CYC1: variants seen among roughly 807,000 people sequenced by gnomAD.
CYC1 encodes the protein cytochrome c1, heme protein, mitochondrial.
CYC1 carries 10 observed loss-of-function variants against 33.8 expected under a neutral mutation model. The observed-to-expected ratio is 0.30, with a 90% CI of 0.18 to 0.50. The LOEUF (loss-of-function observed/expected upper bound fraction) is 0.50. CYC1 is among the 20% of genes least tolerant of loss of function. CYC1 has a pLI of 0.98. For synonymous variants in CYC1, 224 were observed against 181.9 expected, an observed-to-expected ratio of 1.23 and a Z score of -1.86; for missense variants, 459 against 437.6, an observed-to-expected ratio of 1.05 and a Z score of -0.44.
chr8:144,095,126 CG>C lies in CYC1; in HGVS notation c.31del (p.Val11Ter). ...TGGCGGCAGCTGCGGCTTCGCTTCG[CG>C]GGGTAGTGTTGGGCCCGCGGGGCGC... is the stretch of plus-strand genomic sequence containing the variant. MAAAAASLR[G>X]VVLGPRGAGL... On this transcript the variant is annotated frameshift_variant, in exon 1 of 7. Transcript: ENST00000318911. LOFTEE classifies it high-confidence loss of function. 1 of 1,210,874 alleles carries C rather than the reference CG, an allele frequency of 8.3e-7. No homozygotes were observed. The highest frequency in any genetic ancestry group is 1.0e-6 in the Non-Finnish European group (1 of 973,064). 75.0% of individuals were successfully genotyped at this position (1,210,874 alleles called of 1,614,324 possible).
intron 4 of CYC1, 36 bp downstream of exon 4, chr8:144,096,530 T>G: frequency 1.9e-6 from 3 of 1,613,648 alleles, no homozygotes; most frequent in African/African-American, 1.3e-5. Context: ...GCTGGAGAGA[T>G]GGGGGAAGGG....
chr8:144,095,704 T>G (rs919040629), intron 1 of CYC1, 129 bp from the exon 2 acceptor site: 30 of 928,002 alleles, frequency 3.2e-5, no homozygotes, highest in Non-Finnish European at 4.8e-5. Flanking sequence ...GGGTGGGTAG[T>G]GGGACAGGGT....
chr8:144,095,696 G>A (rs560346594), intron 1 of CYC1, 137 bp from the exon 2 acceptor site: 6 of 841,830 alleles, frequency 7.1e-6, no homozygotes, highest in Admixed American at 2.4e-5. Context: ...GAGGGATGGG[G>A]TGGGTAGTGG....
In CYC1 at chr8:144,097,205, C is replaced by T. The variant is rs759556070; in HGVS notation, c.874-27C>T. On this transcript the variant is annotated intron_variant, in intron 6 of 6. Coordinates refer to ENST00000318911, the MANE Select transcript of CYC1 (RefSeq NM_001916.5). The stretch of plus-strand genomic sequence containing the variant: ...AGCTGGGCAGGGCTCCTCCCCACTC[C>T]CTTCTCTGAGCCTTCCTTGTCTGCA... 41 of 1,612,472 alleles carry T rather than the reference C, an allele frequency of 2.5e-5. No homozygotes were observed. In the East Asian group the frequency reaches 4.2e-4, roughly 17 times the overall value.
rs1474227172 is a variant in CYC1, at chr8:144,096,413, A to C, written c.530A>C (p.Lys177Thr). ...GGGAAGCTGTTCGACTATTTCCCAA[A>C]ACCATACCCCAACAGTGAGGCTGCT... ...RPGKLFDYFP[K>T]PYPNSEAARA... The change falls in exon 4 of 7, where the codon AAA (lysine) becomes ACA (threonine). Residue 177 changes from lysine to threonine, a missense_variant. Lys to Thr is a moderately conservative substitution (Grantham distance 78). Coordinates refer to ENST00000318911, the MANE Select transcript of CYC1 (RefSeq NM_001916.5). 6.2e-7 allele frequency: 1 copy of C among 1,613,942 alleles called. No individual in the cohort carries two copies. The highest frequency in any genetic ancestry group is 8.5e-7 in the Non-Finnish European group (1 of 1,179,962).
In CYC1 at chr8:144,095,820, G is replaced by A. The variant is rs1172139162; in HGVS notation, c.130-13G>A. On this transcript the variant is annotated splice_polypyrimidine_tract_variant and intron_variant, in intron 1 of 6. Transcript: ENST00000318911. ...GGTGGTGTCCTGGCAGGCGCTGAGC[G>A]GAGATCTTGCAGGCAGTGGCCTTGT... 6.2e-7 allele frequency: 1 copy of A among 1,603,102 alleles called. No individual in the cohort carries two copies. The highest frequency in any genetic ancestry group is 8.5e-7 in the Non-Finnish European group (1 of 1,178,856).
chr8:144,096,015 C>T lies in CYC1; in HGVS notation c.312C>T (p.Ser104=). 6 of 1,604,684 alleles carry T rather than the reference C, an allele frequency of 3.7e-6. No individual in the cohort carries two copies. Among genetic ancestry groups the T allele is most frequent in the Non-Finnish European group, 5.1e-6 (6 of 1,178,178 alleles). ...YPWSHRGLLS[S]LDHTSIRRGF... ...GGTCTCACCGTGGCCTCCTCTCTTC[C>T]TTGGACCACACCAGGTGTGCAGCTG... The change falls in exon 2 of 7, where the codon TCC becomes TCT. Residue 104 remains serine (S), a synonymous_variant. Transcript: ENST00000318911.
At position 144,095,893 on chromosome 8, in the gene CYC1, C is replaced by T; in HGVS notation, c.190C>T (p.Leu64=). The change falls in exon 2 of 7, where the codon CTG becomes TTG. Residue 64 remains leucine, a synonymous_variant. Coordinates refer to ENST00000318911, the MANE Select transcript of CYC1 (RefSeq NM_001916.5). ...SRGRKVMLSA[L]GMLAAGGAGL... is the part of the protein sequence containing the mutation. ...AGGCCGGAAAGTGATGCTGTCAGCG[C>T]TGGGCATGCTGGCGGCAGGGGGTGC... is the stretch of plus-strand genomic sequence containing the variant. The T allele has an allele frequency of 3.1e-6, 5 of 1,609,374 alleles. No individual in the cohort carries two copies. The highest frequency in any genetic ancestry group is 4.2e-6 in the Non-Finnish European group (5 of 1,179,820).
chr8:144,096,870 T>C (rs1836170390), intron 5 of CYC1, 126 bp downstream of exon 5: 6 of 1,265,926 alleles, frequency 4.7e-6, no homozygotes, highest in Admixed American at 3.9e-5. Context: ...CTTCTGTGCA[T>C]GTCTCAGGAG....
In CYC1 at chr8:144,097,039, C is replaced by A; in HGVS notation, c.778C>A (p.Pro260Thr). 1 of 1,605,410 alleles carries A rather than the reference C, an allele frequency of 6.2e-7. No individual in the cohort carries two copies. Among genetic ancestry groups the A allele is most frequent in the Non-Finnish European group, 8.5e-7 (1 of 1,175,256 alleles). The change falls in exon 6 of 7, where the codon CCA (proline) becomes ACA (threonine). Residue 260 changes from proline to threonine, a missense_variant. Transcript: ENST00000318911. ...CACTGCTTGTCGTTGGCCAGGCACC[C>A]CAGCTACCATGTCCCAGATAGCCAA... ...TDVLEFDDGT[P>T]ATMSQIAKDV...
chr8:144,095,402 C>T, intron 1 of CYC1, 174 bp downstream of exon 1: 2 of 505,428 alleles, frequency 4.0e-6, no homozygotes, highest in Non-Finnish European at 6.0e-6. Context: ...TGGGCGCCCA[C>T]CTCTCCGAAC....
intron 1 of CYC1, chr8:144,095,625 G>C: frequency 3.3e-6 from 2 of 603,176 alleles, no homozygotes; most frequent in Non-Finnish European, 5.7e-6. Flanking sequence ...CTGATCCCCG[G>C]CTCAGGATCC....
rs146030978 is a variant in CYC1, at chr8:144,095,892, G to T, written c.189G>T (p.Ala63=). The change falls in exon 2 of 7, where the codon GCG becomes GCT. Residue 63 remains alanine (A), a synonymous_variant. Transcript: ENST00000318911. ...GAGGCCGGAAAGTGATGCTGTCAGC[G>T]CTGGGCATGCTGGCGGCAGGGGGTG... ...LSRGRKVMLS[A]LGMLAAGGAG... The T allele has an allele frequency of 1.2e-6, 2 of 1,609,222 alleles. No homozygotes were observed. Among genetic ancestry groups the T allele is most frequent in the South Asian group, 1.1e-5 (1 of 91,058 alleles).
In CYC1 at chr8:144,095,167, C is replaced by T. The variant is rs1353547564; in HGVS notation, c.68C>T (p.Ala23Val). 3 of 1,209,428 alleles carry T rather than the reference C, an allele frequency of 2.5e-6. No individual in the cohort carries two copies. Among genetic ancestry groups the T allele is most frequent in the Non-Finnish European group, 3.1e-6 (3 of 972,932 alleles). 74.9% of individuals were successfully genotyped at this position (1,209,428 alleles called of 1,614,324 possible). The change falls in exon 1 of 7, where the codon GCG becomes GTG. Residue 23 changes from alanine to valine, a missense_variant. Physicochemically the swap from Ala to Val is moderately conservative, Grantham distance 64. Coordinates refer to ENST00000318911, the MANE Select transcript of CYC1 (RefSeq NM_001916.5). ...LGPRGAGLPGARARGLLCSAR... is the reference protein window; with the variant it reads ...LGPRGAGLPGVRARGLLCSAR... Reference sequence around the variant, plus strand: ...CCGCGGGGCGCGGGGCTCCCGGGCGCGCGTGCCCGGGGTCTGCTGTGCAGC... The same window carrying T: ...CCGCGGGGCGCGGGGCTCCCGGGCGTGCGTGCCCGGGGTCTGCTGTGCAGC...
rs373993387 is a variant in CYC1, at chr8:144,096,610, C to T, written c.638C>T (p.Ser213Phe). ...ARHGGEDYVF[S>F]LLTGYCEPPT... ...CATGGTGGTGAGGACTACGTCTTCT[C>T]CCTGCTCACGGGCTACTGCGAGCCA... The change falls in exon 5 of 7, where the codon TCC becomes TTC. Residue 213 changes from serine (S) to phenylalanine (F), a missense_variant. Transcript: ENST00000318911. 2 of 1,613,914 alleles carry T rather than the reference C, an allele frequency of 1.2e-6. No homozygotes were observed. Among genetic ancestry groups the T allele is most frequent in the African/African-American group, 2.7e-5 (2 of 74,898 alleles).
chr8:144,095,314 G>A (rs13257418), intron 1 of CYC1, 86 bp downstream of exon 1: 6 of 1,122,548 alleles, frequency 5.3e-6, no homozygotes, highest in South Asian at 4.4e-5. Context: ...GCGGGCCTGG[G>A]CAGCGCGGAA....
In CYC1 at chr8:144,097,152, C is replaced by T. The variant is rs756988987; in HGVS notation, c.873+18C>T. 3.1e-6 allele frequency: 5 copies of T among 1,611,154 alleles called. No homozygotes were observed. The Admixed American group carries it at 5.0e-5, about 16-fold the overall frequency. Reference sequence around the variant, plus strand: ...GGCTCAAGGTAAAAGGGTTGGGAGGCCATGGTGGGTATCAGAGAAGGGCTG... The same window carrying T: ...GGCTCAAGGTAAAAGGGTTGGGAGGTCATGGTGGGTATCAGAGAAGGGCTG... On this transcript the variant is annotated intron_variant, in intron 6 of 6. Transcript: ENST00000318911.
Position 144,096,388 on chromosome 8 carries a change from G to A in CYC1, c.505G>A (p.Gly169Arg). 7 of 1,614,124 alleles carry A rather than the reference G, an allele frequency of 4.3e-6. No homozygotes were observed. The highest frequency in any genetic ancestry group is 5.9e-6 in the Non-Finnish European group (7 of 1,179,998). The change falls in exon 4 of 7, where the codon GGG (glycine) becomes AGG (arginine). Residue 169 changes from glycine to arginine, a missense_variant. By Grantham distance (125) the Gly-to-Arg change is moderately radical (BLOSUM62 -2). Transcript: ENST00000318911. ...NEDGEMFMRP[G>R]KLFDYFPKPY... ...AGATGGGGAGATGTTCATGCGGCCAGGGAAGCTGTTCGACTATTTCCCAAA... is the reference window on the plus strand; with the variant it reads ...AGATGGGGAGATGTTCATGCGGCCAAGGAAGCTGTTCGACTATTTCCCAAA...
intron 5 of CYC1, 127 bp from the exon 6 acceptor site, chr8:144,096,907 A>C: frequency 2.6e-6 from 3 of 1,159,822 alleles, no homozygotes; most frequent in Non-Finnish European, 3.8e-6. Flanking sequence ...AGTTTTGCGT[A>C]TGTCCGGTGG....
Sources: allele counts gnomAD v4.1 joint callset, GRCh38; gene constraint gnomAD v4.1.1; transcripts MANE v1.5; gene names NCBI Gene and HGNC (gene_info 2026-07-23, HGNC 2026-07-21).